Variants in ZNF507 observed in about 807,000 individuals in gnomAD.
The protein encoded by ZNF507 is zinc finger protein 507.
A neutral mutation model predicts 80.0 loss-of-function variants in ZNF507; 29 were observed. The observed-to-expected ratio is 0.36, with a 90% confidence interval of 0.27 to 0.49. The LOEUF (loss-of-function observed/expected upper bound fraction) is 0.49. Among genes scored for constraint, ZNF507 ranks in the 20% least tolerant of loss-of-function variants. The pLI is 0.98. For missense variants in ZNF507, 1,081 were observed against 1,152.2 expected, an observed-to-expected ratio of 0.94 and a Z score of 0.90; for synonymous variants, 462 against 422.5, an observed-to-expected ratio of 1.09 and a Z score of -1.15.
At position 32,382,598 on chromosome 19, in the gene ZNF507, G is replaced by A. The variant is rs746567424; in HGVS notation, c.2492G>A (p.Gly831Asp). The part of the protein sequence containing the change: ...KAINDAISQS[G>D]RVLGKSPGKT... The stretch of plus-strand genomic sequence containing the variant: ...ATTAACGACGCGATTTCACAAAGTG[G>A]CAGGTATTTCATCCTACCCCCTCCC... The change falls in exon 6 of 7, where the codon GGC (glycine) becomes GAC (aspartate). Residue 831 changes from glycine to aspartate, a missense_variant. Gly to Asp is a moderately conservative substitution (Grantham distance 94). This residue lies in a region of ZNF507 where 138 missense variants were observed against 158.4 expected (regional missense o/e 0.87). Transcript: ENST00000355898. 17 of 1,614,114 alleles carry A rather than the reference G, an allele frequency of 1.1e-5. No homozygotes were observed. Among genetic ancestry groups the A allele is most frequent in the Non-Finnish European group, 1.4e-5 (16 of 1,179,998 alleles).
chr19:32,373,699 A>G (rs1273848842), intron 5 of ZNF507, among the ~76,000 whole-genome samples: 2 of 152,240 alleles, frequency 1.3e-5, no homozygotes, highest in Non-Finnish European at 2.9e-5. Flanking sequence ...CTTCAGTGGC[A>G]GCAGTGTCAA....
chr19:32,351,312 T>A (rs1378913192), intron 2 of ZNF507, among the ~76,000 whole-genome samples: 1 of 152,090 alleles, frequency 6.6e-6, no homozygotes. Context: ...TTGCCTGATG[T>A]GGACCTAGAT....
Position 32,353,105 on chromosome 19 carries a change from T to C in ZNF507, c.275T>C (p.Val92Ala), listed in dbSNP as rs766575619. ...TQELCEIPAKVIQSPAADTRR... is the reference protein window; with the variant it reads ...TQELCEIPAKAIQSPAADTRR... ...GAACTTTGTGAGATTCCGGCTAAAG[T>C]AATCCAGTCACCTGCTGCTGATACT... Residue 92 changes from valine to alanine, a missense_variant, in exon 3 of 7, where the codon GTA becomes GCA. Val to Ala is a moderately conservative substitution (Grantham distance 64). Around this residue, in one of 6 missense-constraint regions of ZNF507, gnomAD observed 275 missense variants for 303.9 expected, o/e 0.90. Transcript: ENST00000355898. 2.5e-6 allele frequency: 4 copies of C among 1,614,212 alleles called. No individual in the cohort carries two copies. The highest frequency in any genetic ancestry group is 2.7e-5 in the African/African-American group (2 of 75,052).
Position 32,367,165 on chromosome 19 carries a change from G to T in ZNF507, c.2360+6547G>T, listed in dbSNP as rs1374815942. Among the ~76,000 whole-genome samples the T allele has an allele frequency of 2.0e-5, 3 of 152,160 alleles. No individual in the cohort carries two copies. In the East Asian group the frequency reaches 5.8e-4, roughly 29 times the overall value. Reference sequence around the variant, plus strand: ...GCAGATATGTCACATTGTGAGACATGGAGCAAGAGAGAGGGGAGGAGGTAC... The same window carrying T: ...GCAGATATGTCACATTGTGAGACATTGAGCAAGAGAGAGGGGAGGAGGTAC... On this transcript the variant is annotated intron_variant, in intron 5 of 6. Coordinates refer to ENST00000355898, the MANE Select transcript of ZNF507 (RefSeq NM_001136156.2).
At chr19:32,372,609 C>G (rs1049981452) in intron 5 of ZNF507, among the ~76,000 whole-genome samples, 2 of 151,878 alleles carry the variant, frequency 1.3e-5, no homozygotes, top group Non-Finnish European at 2.9e-5. Flanking sequence ...GGGACACATG[C>G]GAAGAACGGA....
chr19:32,377,490 T>C (rs961234301), intron 5 of ZNF507, among the ~76,000 whole-genome samples: 3 of 152,242 alleles, frequency 2.0e-5, no homozygotes, highest in Non-Finnish European at 4.4e-5. Flanking sequence ...ATTAATGATA[T>C]TCATATATAA....
chr19:32,350,792 A>G (rs1967152856), intron 2 of ZNF507, among the ~76,000 whole-genome samples: 2 of 152,210 alleles, frequency 1.3e-5, no homozygotes, highest in African/African-American at 2.4e-5. Flanking sequence ...GAGGATTCCT[A>G]TTATTAAACT....
intron 5 of ZNF507, among the ~76,000 whole-genome samples, chr19:32,365,797 G>A (rs1387402535): frequency 2.0e-5 from 3 of 152,144 alleles, no homozygotes; most frequent in Admixed American, 2.0e-4. Flanking sequence ...TACTGTGGCA[G>A]GGGGACAGCA....
chr19:32,361,821 C>G (rs1009832606), intron 5 of ZNF507, among the ~76,000 whole-genome samples: 11 of 144,916 alleles, frequency 7.6e-5, no homozygotes, highest in African/African-American at 1.8e-4. Context: ...TCCTTCCTTC[C>G]TTTCCTTTCT....
chr19:32,387,188 A>G lies in ZNF507; in HGVS notation c.*4105A>G, dbSNP rs1442254082. The G allele has an allele frequency of 2.0e-5, 3 of 152,218 alleles. No homozygotes were observed. The highest frequency in any genetic ancestry group is 2.9e-5 in the Non-Finnish European group (2 of 68,028). 9.4% of individuals were successfully genotyped at this position (152,218 alleles called of 1,614,324 possible). A position where few individuals can be genotyped will look rare whatever the true frequency, so the allele number is the denominator to read the frequency against. ...CAAAGTGCTAAAGACTAGTTCTGCT[A>G]TTGACGAAGGAATTAGCATTCCTTA... On this transcript the variant is annotated 3_prime_UTR_variant, in exon 7 of 7. Transcript: ENST00000355898.
At chr19:32,377,980 A>C (rs185323184) in intron 5 of ZNF507, among the ~76,000 whole-genome samples, 110 of 152,264 alleles carry the variant, frequency 7.2e-4, no homozygotes, top group African/African-American at 2.6e-3. Context: ...ATGAAAAAAA[A>C]CAGCAGACAG....
intron 5 of ZNF507, among the ~76,000 whole-genome samples, chr19:32,361,692 TTTCCTTCCTTTCC>T (rs1568305631): frequency 9.4e-5 from 2 of 21,314 alleles, no homozygotes; most frequent in Non-Finnish European, 1.6e-4. Context: ...CCTTCCTTCC[TTTCCTTCCTTTCC>T]TTCCTTCCTT....
At chr19:32,352,748 C>G (rs1256170866) in intron 2 of ZNF507, 81 bp from the exon 3 acceptor site, 5 of 1,265,572 alleles carry the variant, frequency 4.0e-6, no homozygotes, top group Admixed American at 2.4e-5. Context: ...CAGACACTAA[C>G]ATTCTCTTAT....
intron 5 of ZNF507, among the ~76,000 whole-genome samples, chr19:32,372,301 T>A (rs908592878): frequency 3.3e-5 from 5 of 152,204 alleles, no homozygotes; most frequent in Non-Finnish European, 5.9e-5. Flanking sequence ...TACTTGCCTA[T>A]ATTCCATTTT....
At position 32,382,617 on chromosome 19, in the gene ZNF507, C is replaced by A; in HGVS notation, c.2495+16C>A. The A allele has an allele frequency of 6.2e-7, 1 of 1,613,932 alleles. No homozygotes were observed. The highest frequency in any genetic ancestry group is 1.1e-5 in the South Asian group (1 of 91,062). On this transcript the variant is annotated intron_variant, in intron 6 of 6. Transcript: ENST00000355898. ...AAAGTGGCAGGTATTTCATCCTACCCCCTCCCTTTATTGCTATATGTAAAT... is the reference window on the plus strand; with the variant it reads ...AAAGTGGCAGGTATTTCATCCTACCACCTCCCTTTATTGCTATATGTAAAT...
At chr19:32,358,231 A>G (rs902634437) in intron 4 of ZNF507, 1 of 152,234 alleles carries the variant, frequency 6.6e-6, no homozygotes, top group African/African-American at 2.4e-5. Context: ...TTAACTCAAT[A>G]TTAGATATTT....
intron 5 of ZNF507, among the ~76,000 whole-genome samples, chr19:32,378,785 A>G (rs1326685935): frequency 1.3e-5 from 2 of 152,184 alleles, no homozygotes; most frequent in African/African-American, 2.4e-5. Flanking sequence ...TCTCAAAAAT[A>G]TGAAATTCTT....
chr19:32,386,893 T>C lies in ZNF507; in HGVS notation c.*3810T>C, dbSNP rs1374398636. The C allele has an allele frequency of 1.3e-5, 2 of 152,562 alleles. No individual in the cohort carries two copies. Among genetic ancestry groups the C allele is most frequent in the Non-Finnish European group, 2.9e-5 (2 of 68,036 alleles). 9.5% of individuals were successfully genotyped at this position (152,562 alleles called of 1,614,324 possible). On this transcript the variant is annotated 3_prime_UTR_variant, in exon 7 of 7. Transcript: ENST00000355898. Reference sequence around the variant, plus strand: ...TATTAACCACAGGTTGTGTTCATTCTTTTCCTGGAAATGATGACTTTATTG... The same window carrying C: ...TATTAACCACAGGTTGTGTTCATTCCTTTCCTGGAAATGATGACTTTATTG...
At position 32,383,253 on chromosome 19, in the gene ZNF507, G is replaced by C. The variant is rs1967647549; in HGVS notation, c.*170G>C. 1.2e-6 allele frequency: 1 copy of C among 803,100 alleles called. No homozygotes were observed. Among genetic ancestry groups the C allele is most frequent in the Non-Finnish European group, 1.9e-6 (1 of 521,404 alleles). The allele number at this position is 803,100 out of a possible 1,614,324, so 49.7% of individuals were successfully genotyped here. ...ACTTGTAATAAAAGGAATTCCAAAT[G>C]GACAAGCAGTAATGATATTTAAATA... On this transcript the variant is annotated 3_prime_UTR_variant, in exon 7 of 7. Transcript: ENST00000355898.
Sources: allele counts gnomAD v4.1 joint callset (sites outside exome capture counted in the v4.1 genomes callset), GRCh38; gene constraint gnomAD v4.1.1; regional missense constraint gnomAD v4.1.1; transcripts MANE v1.5; gene names NCBI Gene and HGNC (gene_info 2026-07-23, HGNC 2026-07-21).